Variants in DLGAP1 observed in about 807,000 individuals in gnomAD.
DLGAP1 encodes disks large-associated protein 1.
A neutral mutation model predicts 90.8 loss-of-function variants in DLGAP1; 11 were observed. The observed-to-expected ratio is 0.12, with a 90% CI of 0.08 to 0.20. DLGAP1 has a LOEUF of 0.20. Ranked by LOEUF, DLGAP1 falls within the 10% of genes least tolerant of loss-of-function variation. The pLI is 1.00. For synonymous variants in DLGAP1, 558 were observed against 540.7 expected, an observed-to-expected ratio of 1.03 and a Z score of -0.44; for missense variants, 1,050 against 1,333.8, an observed-to-expected ratio of 0.79 and a Z score of 3.31.
At chr18:3,549,394 G>A (rs1000837158) in intron 9 of DLGAP1, among the ~76,000 whole-genome samples, 15 of 149,114 alleles carry the variant, frequency 1.0e-4, no homozygotes, top group African/African-American at 1.7e-4. Flanking sequence ...GTGCAGTGGC[G>A]CAATCTCGGC....
intron 1 of DLGAP1, among the ~76,000 whole-genome samples, chr18:4,166,963 A>G (rs1568430413): frequency 6.6e-6 from 1 of 152,216 alleles, no homozygotes; most frequent in Non-Finnish European, 1.5e-5. Flanking sequence ...ATGTTTGCAT[A>G]ATAATGTGAA....
intron 1 of DLGAP1, among the ~76,000 whole-genome samples, chr18:4,410,828 C>T (rs966959556): frequency 6.6e-6 from 1 of 152,100 alleles, no homozygotes; most frequent in Non-Finnish European, 1.5e-5. Flanking sequence ...CAATTATAAC[C>T]AACAAAAGAT....
chr18:3,726,431 A>C (rs2062181532), intron 7 of DLGAP1, among the ~76,000 whole-genome samples: 1 of 150,018 alleles, frequency 6.7e-6, no homozygotes, highest in Non-Finnish European at 1.5e-5. Flanking sequence ...AAGAGAAGGA[A>C]ATGCGTGTGT....
chr18:3,646,377 C>T (rs186258374), intron 7 of DLGAP1, among the ~76,000 whole-genome samples: 1 of 151,808 alleles, frequency 6.6e-6, no homozygotes, highest in East Asian at 1.9e-4. Flanking sequence ...TGGGCAAGAT[C>T]CTGTTTCCAA....
chr18:4,200,540 T>A (rs867171500), intron 1 of DLGAP1, among the ~76,000 whole-genome samples: 1 of 151,712 alleles, frequency 6.6e-6, no homozygotes, highest in Non-Finnish European at 1.5e-5. Context: ...CATATTTTGC[T>A]GTTCCTAATA....
At chr18:4,143,380 T>C (rs2076528139) in intron 2 of DLGAP1, among the ~76,000 whole-genome samples, 1 of 151,212 alleles carries the variant, frequency 6.6e-6, no homozygotes, top group African/African-American at 2.4e-5. Flanking sequence ...GAAGAACCTC[T>C]CTCCATGGCC....
intron 2 of DLGAP1, among the ~76,000 whole-genome samples, chr18:4,045,587 G>C (rs950461188): frequency 2.0e-5 from 3 of 151,342 alleles, no homozygotes; most frequent in Non-Finnish European, 4.4e-5. Flanking sequence ...GGGTAACAGA[G>C]CAAGACCCTG....
Position 3,738,490 on chromosome 18 carries a change from T to C in DLGAP1, c.1350+3845A>G, listed in dbSNP as rs2062755197. 2.7e-5 allele frequency among the ~76,000 whole-genome samples: 4 copies of C among 149,058 alleles called. No individual in the cohort carries two copies. In the South Asian group the frequency reaches 8.5e-4, roughly 32 times the overall value. ...ACGCCACATATCTACAACTATCTGA[T>C]CTTTGACAAACCTGAGAAAAACAAG... On this transcript the variant is annotated intron_variant, in intron 6 of 12. Coordinates refer to ENST00000315677, the MANE Select transcript of DLGAP1 (RefSeq NM_004746.4).
intron 1 of DLGAP1, among the ~76,000 whole-genome samples, chr18:4,398,824 T>C (rs1176718696): frequency 6.6e-6 from 1 of 151,818 alleles, no homozygotes; most frequent in African/African-American, 2.4e-5. Flanking sequence ...AGATCAAGAG[T>C]GCCGTTTTTT....
chr18:3,781,042 G>A (rs1341020724), intron 5 of DLGAP1, among the ~76,000 whole-genome samples: 1 of 152,076 alleles, frequency 6.6e-6, no homozygotes, highest in African/African-American at 2.4e-5. Context: ...TTCCCAGGCC[G>A]GTCTTGAACC....
At chr18:3,777,934 T>A (rs1426405198) in intron 5 of DLGAP1, among the ~76,000 whole-genome samples, 1 of 152,124 alleles carries the variant, frequency 6.6e-6, no homozygotes, top group Non-Finnish European at 1.5e-5. Flanking sequence ...GTGTAGTGTG[T>A]GTGTGTTTGT....
intron 3 of DLGAP1, chr18:3,984,021 G>T (rs1419766829): frequency 2.0e-5 from 3 of 151,960 alleles, no homozygotes; most frequent in Admixed American, 1.3e-4. Context: ...AGGCTCTTGG[G>T]GACAGATAAA....
intron 2 of DLGAP1, among the ~76,000 whole-genome samples, chr18:4,061,366 T>C (rs1176422121): frequency 1.1e-5 from 1 of 91,114 alleles, no homozygotes; most frequent in Admixed American, 1.0e-4. Context: ...TGTGGAAGGT[T>C]TGTGAAAGAT....
chr18:4,278,150 T>A (rs62086536), intron 1 of DLGAP1, among the ~76,000 whole-genome samples: 3,600 of 152,282 alleles, frequency 0.024, 48 homozygotes, highest in East Asian at 0.031. Flanking sequence ...GCATGTTATG[T>A]GAGTTAAATA....
intron 2 of DLGAP1, among the ~76,000 whole-genome samples, chr18:4,027,159 T>G (rs1404607145): frequency 1.3e-5 from 2 of 152,084 alleles, no homozygotes; most frequent in African/African-American, 2.4e-5. Flanking sequence ...TTTTGGTATA[T>G]CCTAACATTT....
chr18:3,583,577 A>G (rs2055698662), intron 7 of DLGAP1, among the ~76,000 whole-genome samples: 1 of 152,224 alleles, frequency 6.6e-6, no homozygotes, highest in Non-Finnish European at 1.5e-5. Flanking sequence ...GCTAGCTTAT[A>G]AATCAGTCTT....
intron 2 of DLGAP1, among the ~76,000 whole-genome samples, chr18:4,036,520 A>G (rs954454396): frequency 6.6e-6 from 1 of 152,166 alleles, no homozygotes; most frequent in Non-Finnish European, 1.5e-5. Context: ...TTTCTTTCTC[A>G]AGGATCCTTA....
At chr18:4,251,302 C>T (rs1359606290) in intron 1 of DLGAP1, among the ~76,000 whole-genome samples, 7 of 152,140 alleles carry the variant, frequency 4.6e-5, no homozygotes, top group Non-Finnish European at 1.0e-4. Flanking sequence ...ACTTTTAAAG[C>T]TGGAAGGTCT....
At chr18:4,026,934 C>G (rs1461512627) in intron 2 of DLGAP1, among the ~76,000 whole-genome samples, 1 of 152,022 alleles carries the variant, frequency 6.6e-6, no homozygotes, top group Non-Finnish European at 1.5e-5. Flanking sequence ...TGGCTCAGCC[C>G]CAAGGGAGGC....
Sources: gnomAD v4.1 joint callset for allele counts (sites outside exome capture counted in the v4.1 genomes callset) on GRCh38, gnomAD v4.1.1 for gene constraint, MANE v1.5 for transcripts, NCBI Gene and HGNC (gene_info 2026-07-23, HGNC 2026-07-21) for gene names.